The following CTNNA3 variants were observed in gnomAD, a reference collection of about 807,000 sequenced individuals.
CTNNA3 encodes the protein catenin alpha-3.
Under a neutral mutation model 95.7 loss-of-function variants are expected in CTNNA3, and 76 were observed. The ratio of observed to expected loss-of-function variants is 0.79; its 90% CI spans 0.66 to 0.96. CTNNA3 has a LOEUF of 0.96. Among genes scored for constraint, CTNNA3 ranks in the 40% least tolerant of loss-of-function variants. The probability of loss-of-function intolerance (pLI) is 0.00; values close to 1 mark genes in which losing one functional copy is unlikely to be tolerated. For missense variants in CTNNA3, 1,191 were observed against 1,089.8 expected (o/e 1.09, Z -1.31); for synonymous variants, 431 against 374.4 (o/e 1.15, Z -1.74).
intron 14 of CTNNA3, among the ~76,000 whole-genome samples, chr10:66,072,384 C>A (rs976747991): frequency 6.6e-6 from 1 of 152,070 alleles, no homozygotes; most frequent in Non-Finnish European, 1.5e-5. Flanking sequence ...CTTCATTATC[C>A]TTACTTTGTT....
intron 5 of CTNNA3, among the ~76,000 whole-genome samples, chr10:67,225,815 T>C (rs1316645861): frequency 2.0e-5 from 3 of 151,988 alleles, no homozygotes; most frequent in Non-Finnish European, 4.4e-5. Context: ...AAAACAAGGC[T>C]CTTTAGCACC....
chr10:66,177,480 T>C (rs1046485788), intron 13 of CTNNA3, among the ~76,000 whole-genome samples: 1 of 151,906 alleles, frequency 6.6e-6, no homozygotes, highest in African/African-American at 2.4e-5. Context: ...GAAGAAAATA[T>C]CACAATTTTG....
At chr10:66,827,580 T>C (rs561680267) in intron 7 of CTNNA3, among the ~76,000 whole-genome samples, 63 of 152,290 alleles carry the variant, frequency 4.1e-4, no homozygotes, top group African/African-American at 1.4e-3. Flanking sequence ...GACTCAACCA[T>C]GACTAGTTAT....
chr10:66,833,421 T>C (rs1842791344), intron 7 of CTNNA3, among the ~76,000 whole-genome samples: 1 of 152,252 alleles, frequency 6.6e-6, no homozygotes, highest in Non-Finnish European at 1.5e-5. Context: ...CAAATCCTTA[T>C]AGAATAAGCA....
intron 13 of CTNNA3, among the ~76,000 whole-genome samples, chr10:66,137,011 TGGGTTTCACCATGTTGGCTA>T (rs2083391056): frequency 6.6e-6 from 1 of 152,050 alleles, no homozygotes; most frequent in African/African-American, 2.4e-5. Flanking sequence ...TTAGTAGACA[TGGGTTTCACCATGTTGGCTA>T]GGCTGTTCTC....
At position 67,086,175 on chromosome 10, in the gene CTNNA3, T is replaced by TA. The variant is rs1414058543; in HGVS notation, c.1047+94141dup. 2.6e-5 allele frequency among the ~76,000 whole-genome samples: 4 copies of TA among 152,156 alleles called. No individual in the cohort carries two copies. The East Asian group carries it at 7.7e-4, about 29-fold the overall frequency. Reference sequence around the variant, plus strand: ...GAAACAGTATATTTTTTTTCATACTTATGTGGATATAAATATAAATTTTGA... The same window carrying TA: ...GAAACAGTATATTTTTTTTCATACTTAATGTGGATATAAATATAAATTTTGA... On this transcript the variant is annotated intron_variant, in intron 7 of 17. Coordinates refer to ENST00000433211, the MANE Select transcript of CTNNA3 (RefSeq NM_013266.4).
intron 5 of CTNNA3, among the ~76,000 whole-genome samples, chr10:67,480,699 G>A (rs1324153502): frequency 6.6e-6 from 1 of 152,166 alleles, no homozygotes; most frequent in African/African-American, 2.4e-5. Context: ...GCTTATCACT[G>A]GCTTATTGTC....
chr10:66,919,122 G>A (rs1259461595), intron 7 of CTNNA3, among the ~76,000 whole-genome samples: 4 of 131,820 alleles, frequency 3.0e-5, no homozygotes, highest in Admixed American at 2.5e-4. Flanking sequence ...GTGACAGAGC[G>A]AGACTCTGTC....
At chr10:67,613,999 A>G (rs1843560160) in intron 2 of CTNNA3, among the ~76,000 whole-genome samples, 1 of 152,042 alleles carries the variant, frequency 6.6e-6, no homozygotes, top group Non-Finnish European at 1.5e-5. Flanking sequence ...AAGAGTGAGC[A>G]GTAGCAAGAT....
intron 15 of CTNNA3, among the ~76,000 whole-genome samples, chr10:66,046,272 A>G (rs2133516446): frequency 6.6e-6 from 1 of 152,202 alleles, no homozygotes; most frequent in Non-Finnish European, 1.5e-5. Flanking sequence ...CTCCTTGTGA[A>G]CCCATTGTAC....
At chr10:66,921,136 CT>C (rs1182146102) in intron 7 of CTNNA3, among the ~76,000 whole-genome samples, 2 of 152,140 alleles carry the variant, frequency 1.3e-5, no homozygotes, top group Non-Finnish European at 2.9e-5. Context: ...CAAAGACAGC[CT>C]GATTTCTGGC....
chr10:66,997,209 T>C (rs1851403956), intron 7 of CTNNA3, among the ~76,000 whole-genome samples: 1 of 152,156 alleles, frequency 6.6e-6, no homozygotes, highest in African/African-American at 2.4e-5. Flanking sequence ...GAGGCCTAAT[T>C]TTCCATAGTT....
At chr10:66,696,894 A>C (rs1466899603) in intron 9 of CTNNA3, among the ~76,000 whole-genome samples, 1 of 152,124 alleles carries the variant, frequency 6.6e-6, no homozygotes, top group African/African-American at 2.4e-5. Flanking sequence ...AGCTCTAATC[A>C]TGCCACAGAG....
upstream of CTNNA3, among the ~76,000 whole-genome samples, chr10:67,696,912 C>G (rs1840975423): frequency 6.6e-6 from 1 of 152,174 alleles, no homozygotes; most frequent in African/African-American, 2.4e-5. Flanking sequence ...ATTTTTCCGA[C>G]TTTCTTCTAA....
chr10:67,675,791 G>A (rs1332114009), intron 1 of CTNNA3, among the ~76,000 whole-genome samples: 1 of 152,128 alleles, frequency 6.6e-6, no homozygotes, highest in Admixed American at 6.6e-5. Flanking sequence ...ATGGATGAAT[G>A]TAAACATACC....
chr10:67,754,186 C>G (rs1165572029), intron 1 of CTNNA3, among the ~76,000 whole-genome samples: 1 of 152,080 alleles, frequency 6.6e-6, no homozygotes, highest in African/African-American at 2.4e-5. Flanking sequence ...GAGCTAGAAG[C>G]CATTATTTTC....
intron 1 of CTNNA3, among the ~76,000 whole-genome samples, chr10:67,758,582 C>T (rs535849790): frequency 6.6e-6 from 1 of 151,998 alleles, no homozygotes; most frequent in South Asian, 2.1e-4. Context: ...ATACATTGAT[C>T]ATAGCTGTAT....
At chr10:66,305,070 C>T (rs2091914326) in intron 12 of CTNNA3, among the ~76,000 whole-genome samples, 1 of 152,090 alleles carries the variant, frequency 6.6e-6, no homozygotes, top group South Asian at 2.1e-4. Flanking sequence ...GGCTCATCCT[C>T]AGCCCCTCTC....
At chr10:66,744,795 T>C (rs1849447793) in intron 9 of CTNNA3, among the ~76,000 whole-genome samples, 2 of 152,202 alleles carry the variant, frequency 1.3e-5, no homozygotes, top group South Asian at 4.1e-4. Flanking sequence ...AAGCCTCTTT[T>C]GTGTATGAAT....
Sources: allele counts gnomAD v4.1 joint callset (sites outside exome capture counted in the v4.1 genomes callset), GRCh38; gene constraint gnomAD v4.1.1; transcripts MANE v1.5; gene names NCBI Gene and HGNC (gene_info 2026-07-23, HGNC 2026-07-21).